EPHA6: variants seen among roughly 807,000 people sequenced by gnomAD.
EPHA6 encodes EPH receptor A6, also known as ephrin type-A receptor 6.
Under a neutral mutation model 112.0 loss-of-function variants are expected in EPHA6, and 50 were observed. The observed-to-expected ratio is 0.45, with a 90% CI of 0.36 to 0.56. The LOEUF is 0.56. EPHA6 is among the 20% of genes least tolerant of loss of function. The pLI, the probability that EPHA6 is intolerant of heterozygous loss-of-function variation, is 0.00. For missense variants in EPHA6, 1,280 were observed against 1,417.4 expected (o/e 0.90, Z 1.56); for synonymous variants, 529 against 490.7 (o/e 1.08, Z -1.03).
chr3:97,274,126 G>T (rs1403239791), intron 5 of EPHA6, among the ~76,000 whole-genome samples: 2 of 152,186 alleles, frequency 1.3e-5, no homozygotes, highest in African/African-American at 4.8e-5. Flanking sequence ...CTACATGGAA[G>T]AGGTTATGAA....
At chr3:97,190,373 A>G (rs2077269326) in intron 3 of EPHA6, among the ~76,000 whole-genome samples, 1 of 152,060 alleles carries the variant, frequency 6.6e-6, no homozygotes, top group African/African-American at 2.4e-5. Flanking sequence ...TGAATGACCT[A>G]TGAGAAGCTG....
chr3:96,994,581 A>T (rs1480545697), intron 3 of EPHA6, among the ~76,000 whole-genome samples: 1 of 151,630 alleles, frequency 6.6e-6, no homozygotes, highest in African/African-American at 2.4e-5. Context: ...AATCCCTAAT[A>T]AGCTCCTCTT....
intron 7 of EPHA6, among the ~76,000 whole-genome samples, chr3:97,472,337 C>A (rs901900313): frequency 6.6e-6 from 1 of 151,262 alleles, no homozygotes; most frequent in Non-Finnish European, 1.5e-5. Flanking sequence ...GGGGACCTAC[C>A]CAAATCTAAA....
chr3:96,842,614 C>A (rs963094643), intron 1 of EPHA6, among the ~76,000 whole-genome samples: 1 of 152,048 alleles, frequency 6.6e-6, no homozygotes, highest in Non-Finnish European at 1.5e-5. Flanking sequence ...GACATTCTCC[C>A]AGTAATTAAT....
At position 97,212,823 on chromosome 3, in the gene EPHA6, G is replaced by A. The variant is rs547117155; in HGVS notation, c.1115-13441G>A. On this transcript the variant is annotated intron_variant, in intron 3 of 17. Transcript: ENST00000389672. The stretch of plus-strand genomic sequence containing the variant: ...GTATGGAAATATATATTCATTTCAG[G>A]ATATTCAGGAATATGGTGTTAGTTT... Among the ~76,000 whole-genome samples, 7 of 152,178 alleles carry A rather than the reference G, an allele frequency of 4.6e-5. No individual in the cohort carries two copies. In the South Asian group the frequency reaches 1.5e-3, roughly 32 times the overall value.
At chr3:96,943,954 ATAATGTTGTTC>A (rs1490344328) in intron 2 of EPHA6, among the ~76,000 whole-genome samples, 1 of 152,234 alleles carries the variant, frequency 6.6e-6, no homozygotes, top group Non-Finnish European at 1.5e-5. Context: ...TGATATATCA[ATAATGTTGTTC>A]TAATAGATCA....
intron 12 of EPHA6, among the ~76,000 whole-genome samples, chr3:97,608,517 A>T (rs2093695753): frequency 6.6e-6 from 1 of 151,396 alleles, no homozygotes; most frequent in African/African-American, 2.4e-5. Context: ...AACTTAATAT[A>T]AAAACAGGCA....
intron 3 of EPHA6, among the ~76,000 whole-genome samples, chr3:97,151,102 C>A (rs2076161390): frequency 6.6e-6 from 1 of 152,052 alleles, no homozygotes; most frequent in South Asian, 2.1e-4. Flanking sequence ...GAACCTATGC[C>A]CCAGCAAACT....
At chr3:97,312,030 C>T (rs146178590) in intron 5 of EPHA6, among the ~76,000 whole-genome samples, 64 of 151,608 alleles carry the variant, frequency 4.2e-4, no homozygotes, top group African/African-American at 1.5e-3. Context: ...ATGTTGAGAT[C>T]TCACTCATTT....
chr3:97,472,090 A>T (rs932981611), intron 7 of EPHA6, among the ~76,000 whole-genome samples: 15 of 151,652 alleles, frequency 9.9e-5, no homozygotes, highest in African/African-American at 3.1e-4. Flanking sequence ...TGGATATGGG[A>T]CAACCTGTTT....
At chr3:97,041,234 G>A (rs1032612998) in intron 3 of EPHA6, among the ~76,000 whole-genome samples, 4 of 151,742 alleles carry the variant, frequency 2.6e-5, no homozygotes, top group African/African-American at 9.7e-5. Context: ...CCTTTTTTTA[G>A]AGCATTTATC....
chr3:97,738,762 C>T (rs757533365), intron 16 of EPHA6, among the ~76,000 whole-genome samples: 18 of 152,074 alleles, frequency 1.2e-4, no homozygotes, highest in Non-Finnish European at 2.6e-4. Context: ...AAAGTCTGAT[C>T]TCTGGGAAAC....
At chr3:97,087,979 C>G (rs1043766691) in intron 3 of EPHA6, among the ~76,000 whole-genome samples, 1 of 151,912 alleles carries the variant, frequency 6.6e-6, no homozygotes, top group Non-Finnish European at 1.5e-5. Context: ...GTCAAGAGAT[C>G]GAGACCATCT....
Position 97,718,306 on chromosome 3 carries a change from A to AT in EPHA6, c.2785-1949dup, listed in dbSNP as rs1489995395. Among the ~76,000 whole-genome samples the AT allele has an allele frequency of 2.6e-5, 4 of 152,196 alleles. No homozygotes were observed. In the South Asian group the frequency reaches 8.3e-4, roughly 31 times the overall value. ...TTACCCCCTTGTGAAGATCACACCC[A>AT]TTTTTTAGAACATGACTTTATGTCC... On this transcript the variant is annotated intron_variant, in intron 14 of 17. Transcript: ENST00000389672.
chr3:97,041,656 A>G (rs1346533654), intron 3 of EPHA6, among the ~76,000 whole-genome samples: 1 of 152,048 alleles, frequency 6.6e-6, no homozygotes, highest in Non-Finnish European at 1.5e-5. Context: ...GGTAATTTAT[A>G]AAGAAAAGAG....
At chr3:97,489,708 C>G (rs1160238385) in intron 10 of EPHA6, among the ~76,000 whole-genome samples, 2 of 150,332 alleles carry the variant, frequency 1.3e-5, no homozygotes, top group African/African-American at 4.9e-5. Context: ...AAAAGAAACT[C>G]AAAACTTATT....
chr3:97,705,861 G>T (rs2107749196), intron 14 of EPHA6, among the ~76,000 whole-genome samples: 1 of 152,188 alleles, frequency 6.6e-6, no homozygotes, highest in Non-Finnish European at 1.5e-5. Flanking sequence ...TAAATTATTT[G>T]TCGCTTCTTT....
At chr3:97,109,597 G>A (rs1361799721) in intron 3 of EPHA6, among the ~76,000 whole-genome samples, 1 of 152,130 alleles carries the variant, frequency 6.6e-6, no homozygotes, top group East Asian at 1.9e-4. Flanking sequence ...CTTTTATAAA[G>A]TACAGAGTTG....
At position 97,521,730 on chromosome 3, in the gene EPHA6, C is replaced by T. The variant is rs574700944; in HGVS notation, c.2201-10628C>T. ...ATGGCAAGCTCTGGCCCTGTGGTGG[C>T]GGAATTAGGTTGGGTAAGCTTGTAC... On this transcript the variant is annotated intron_variant, in intron 10 of 17. Coordinates refer to ENST00000389672, the MANE Select transcript of EPHA6 (RefSeq NM_001080448.3). 8.7e-4 allele frequency among the ~76,000 whole-genome samples: 132 copies of T among 152,104 alleles called. 1 individual carries two copies. Among genetic ancestry groups the T allele is most frequent in the African/African-American group, 3.0e-3 (124 of 41,492 alleles).
Sources: gnomAD v4.1 joint callset for allele counts (sites outside exome capture counted in the v4.1 genomes callset) on GRCh38, gnomAD v4.1.1 for gene constraint, MANE v1.5 for transcripts, NCBI Gene and HGNC (gene_info 2026-07-23, HGNC 2026-07-21) for gene names.